CTSZ: variants seen among roughly 807,000 people sequenced by gnomAD.
CTSZ encodes carboxypeptidase LB.
CTSZ carries 39 observed loss-of-function variants against 32.4 expected under a neutral mutation model. The observed-to-expected ratio is 1.20, with a 90% CI of 0.93 to 1.57. The LOEUF is 1.57. Ranked by LOEUF, CTSZ falls within the 40% of genes most tolerant of loss-of-function variation. The probability of loss-of-function intolerance (pLI) is 0.00; values close to 1 mark genes in which losing one functional copy is unlikely to be tolerated. For missense variants in CTSZ, 397 were observed against 419.6 expected (o/e 0.95, Z 0.47); for synonymous variants, 168 against 170.1 (o/e 0.99, Z 0.10).
At position 59,004,912 on chromosome 20, in the gene CTSZ, A is replaced by G. The variant is rs560170266; in HGVS notation, c.307+1410T>C. Among the ~76,000 whole-genome samples, 2 of 152,050 alleles carry G rather than the reference A, an allele frequency of 1.3e-5. No individual in the cohort carries two copies. The highest frequency in any genetic ancestry group is 2.1e-4 in the South Asian group (1 of 4,812). On this transcript the variant is annotated intron_variant, in intron 2 of 5. Transcript: ENST00000217131. The surrounding 1 kb of genome is among the most constrained non-coding windows in gnomAD (Gnocchi z 5.6). ...AGGGTCCCACATCCATCTGAAAGCCATCTCCTTTCTACCCGCAGTCCTTCA... is the reference window on the plus strand; with the variant it reads ...AGGGTCCCACATCCATCTGAAAGCCGTCTCCTTTCTACCCGCAGTCCTTCA...
rs58686623 is a variant in CTSZ, at chr20:59,003,360, G to T, written c.308-1716C>A. 8.2e-3 allele frequency among the ~76,000 whole-genome samples: 1,250 copies of T among 152,272 alleles called. 17 individuals are homozygous for T. Among genetic ancestry groups the T allele is most frequent in the African/African-American group, 0.028 (1,183 of 41,542 alleles). On this transcript the variant is annotated intron_variant, in intron 2 of 5. Coordinates refer to ENST00000217131, the MANE Select transcript of CTSZ (RefSeq NM_001336.4). ...TGAGGTATGCACAAGCTTCTCCCAC[G>T]GCCAAACTCAATCCTTCATCCCACC...
intron 2 of CTSZ, among the ~76,000 whole-genome samples, chr20:59,003,019 C>T (rs979894218): frequency 6.6e-6 from 1 of 152,198 alleles, no homozygotes; most frequent in African/African-American, 2.4e-5. Context: ...CCCTACTGCC[C>T]CGCTCCTCTT....
At position 59,006,381 on chromosome 20, in the gene CTSZ, T is replaced by C. The variant is rs748470022; in HGVS notation, c.248A>G (p.Gln83Arg). ...GVNYASITRN[Q>R]HIPQYCGSCW... ...GGAGCCGCAGTATTGGGGGATGTGC[T>C]GGTTCCGGGTGATGCTGGCATAGTT... Residue 83 changes from glutamine (Q) to arginine (R), a missense_variant, in exon 2 of 6, where the codon CAG becomes CGG. Gln to Arg is a conservative substitution (Grantham distance 43). Transcript: ENST00000217131. The C allele has an allele frequency of 3.1e-6, 5 of 1,613,974 alleles. No homozygotes were observed. In the South Asian group the frequency reaches 4.4e-5, roughly 14 times the overall value.
At chr20:59,003,990 C>G (rs1240991580) in intron 2 of CTSZ, among the ~76,000 whole-genome samples, 1 of 152,172 alleles carries the variant, frequency 6.6e-6, no homozygotes, top group Non-Finnish European at 1.5e-5. Flanking sequence ...TGGCTTAGAC[C>G]TGGAGGAGGC....
rs764445033 is a variant in CTSZ, at chr20:58,995,687, T to C, written c.874A>G (p.Ile292Val). The C allele has an allele frequency of 1.9e-5, 30 of 1,614,060 alleles. No individual in the cohort carries two copies. Among genetic ancestry groups the C allele is most frequent in the Non-Finnish European group, 2.5e-5 (30 of 1,180,024 alleles). ...TCCCCAAATGTACAGTGCTCCTCGA[T>C]GGCAAGGTTGTATCTGGCGCCCTTC... ...DGKGARYNLA[I>V]EEHCTFGDPI... The change falls in exon 6 of 6, where the codon ATC becomes GTC. Residue 292 changes from isoleucine (I) to valine (V), a missense_variant. Ile to Val is a conservative substitution (Grantham distance 29). Coordinates refer to ENST00000217131, the MANE Select transcript of CTSZ (RefSeq NM_001336.4).
chr20:58,999,326 G>A (rs2091877255), intron 3 of CTSZ, among the ~76,000 whole-genome samples: 3 of 152,082 alleles, frequency 2.0e-5, no homozygotes, highest in African/African-American at 4.8e-5. Flanking sequence ...GTGAGCCACC[G>A]CGGTCACCAG....
rs2091899999 is a variant in CTSZ at position 59,004,085 on chromosome 20, G to A, written c.307+2237C>T. Among the ~76,000 whole-genome samples, 1 of 152,214 alleles carries A rather than the reference G, an allele frequency of 6.6e-6. No homozygotes were observed. Among genetic ancestry groups the A allele is most frequent in the Non-Finnish European group, 1.5e-5 (1 of 68,040 alleles). ...TGGATTATATGAGGGACAGAAAACA[G>A]AGGAGTCGGGTACCAGTCCAGGCTT... On this transcript the variant is annotated intron_variant, in intron 2 of 5. Transcript: ENST00000217131. This position sits in a 1 kb window ranked among gnomAD's most constrained non-coding sequence, Gnocchi z 5.6.
In CTSZ at chr20:58,995,832, GC is replaced by G. The variant is rs1379677260; in HGVS notation, c.802-74del. 8.8e-6 allele frequency: 12 copies of G among 1,367,416 alleles called. No homozygotes were observed. In the African/African-American group the frequency reaches 1.6e-4, roughly 18 times the overall value. The allele number at this position is 1,367,416 out of a possible 1,614,324, so 84.7% of individuals were successfully genotyped here. On this transcript the variant is annotated intron_variant, in intron 5 of 5. Coordinates refer to ENST00000217131, the MANE Select transcript of CTSZ (RefSeq NM_001336.4). Reference sequence around the variant, plus strand: ...CTCCCCTTGCTGCCGTCAGCCCCCTGCCCCCTGCTTTCTGCCTCCATCTCTC... The same window carrying G: ...CTCCCCTTGCTGCCGTCAGCCCCCTGCCCCTGCTTTCTGCCTCCATCTCTC...
chr20:58,995,840 C>G, intron 5 of CTSZ, 81 bp from the exon 6 acceptor site: 1 of 1,263,662 alleles, frequency 7.9e-7, no homozygotes, highest in Non-Finnish European at 1.1e-6. Flanking sequence ...CTGCCCCCTG[C>G]TTTCTGCCTC....
intron 3 of CTSZ, 149 bp downstream of exon 3, chr20:59,001,316 T>G: frequency 1.1e-6 from 1 of 886,946 alleles, no homozygotes; most frequent in East Asian, 2.7e-5. Context: ...CCAGCGCCCC[T>G]GGGGGCTGCA....
At position 59,004,567 on chromosome 20, in the gene CTSZ, G is replaced by T. The variant is rs1248353265; in HGVS notation, c.307+1755C>A. 6.6e-6 allele frequency among the ~76,000 whole-genome samples: 1 copy of T among 152,108 alleles called. No homozygotes were observed. The highest frequency in any genetic ancestry group is 1.5e-5 in the Non-Finnish European group (1 of 67,992). On this transcript the variant is annotated intron_variant, in intron 2 of 5. Transcript: ENST00000217131. This position sits in a 1 kb window ranked among gnomAD's most constrained non-coding sequence, Gnocchi z 5.6. Reference sequence around the variant, plus strand: ...CTAGGGAGCCCAGAATTGGGGCGGGGTGGGGCCGGGGGCTTTGTGTTCCTT... The same window carrying T: ...CTAGGGAGCCCAGAATTGGGGCGGGTTGGGGCCGGGGGCTTTGTGTTCCTT...
chr20:59,006,324 G>A lies in CTSZ; in HGVS notation c.305C>T (p.Ala102Val), dbSNP rs369011055. Reference sequence around the variant, plus strand: ...ACAGTCAAAGGGCGGCCACTCACCCGCCATAGCGCTGGTGCTGGCGTGGGC... The same window carrying A: ...ACAGTCAAAGGGCGGCCACTCACCCACCATAGCGCTGGTGCTGGCGTGGGC... ...CWAHASTSAM[A>V]DRINIKRKGA... Residue 102 changes from alanine (A) to valine (V), a missense_variant and splice_region_variant, in exon 2 of 6, where the codon GCG (alanine) becomes GTG (valine). By Grantham distance (64) the Ala-to-Val change is moderately conservative. Coordinates refer to ENST00000217131, the MANE Select transcript of CTSZ (RefSeq NM_001336.4). 3.6e-5 allele frequency: 58 copies of A among 1,605,564 alleles called. No individual in the cohort carries two copies. The Middle Eastern group carries it at 2.3e-3, about 65-fold the overall frequency.
rs71181993 is a variant in CTSZ at position 59,007,230 on chromosome 20, C to CCGGCCT, written c.-103_-102insAGGCCG. ...TCCCGCCCCGGCCTCGGCCTCGGCCCAGCACCCGGCCGACCCCGCACTTTG... is the reference window on the plus strand; with the variant it reads ...TCCCGCCCCGGCCTCGGCCTCGGCCCCGGCCTAGCACCCGGCCGACCCCGCACTTTG... On this transcript the variant is annotated 5_prime_UTR_variant, in exon 1 of 6. Transcript: ENST00000217131. 0.59 allele frequency: 749,282 copies of CCGGCCT among 1,261,396 alleles called. 225,885 individuals carry two copies. The highest frequency in any genetic ancestry group is 0.79 in the East Asian group (23,535 of 29,792). 78.1% of individuals were successfully genotyped at this position (1,261,396 alleles called of 1,614,324 possible). A position where few individuals can be genotyped will look rare whatever the true frequency, so the allele number is the denominator to read the frequency against.
chr20:58,998,471 G>T (rs1196546080), intron 3 of CTSZ, among the ~76,000 whole-genome samples: 1 of 151,546 alleles, frequency 6.6e-6, no homozygotes, highest in Non-Finnish European at 1.5e-5. Context: ...GCTTGAACCC[G>T]GGAGGCAGAG....
At chr20:58,998,671 A>G (rs1216233734) in intron 3 of CTSZ, among the ~76,000 whole-genome samples, 1 of 152,214 alleles carries the variant, frequency 6.6e-6, no homozygotes, top group African/African-American at 2.4e-5. Context: ...CAGCCTGGAC[A>G]ACAGAGCGAG....
rs1478112281 is a variant in CTSZ at position 58,996,904 on chromosome 20, T to C, written c.639-103A>G. The C allele has an allele frequency of 1.9e-5, 26 of 1,338,648 alleles. No individual in the cohort carries two copies. In the South Asian group the frequency reaches 2.5e-4, roughly 13 times the overall value. The allele number at this position is 1,338,648 out of a possible 1,614,324, so 82.9% of individuals were successfully genotyped here. Reference sequence around the variant, plus strand: ...GGGCGCCGTGGCTCACGCCTGTAATTCCAGCACTTTGGGAGGCCGAGGCAG... The same window carrying C: ...GGGCGCCGTGGCTCACGCCTGTAATCCCAGCACTTTGGGAGGCCGAGGCAG... On this transcript the variant is annotated intron_variant, in intron 4 of 5. Coordinates refer to ENST00000217131, the MANE Select transcript of CTSZ (RefSeq NM_001336.4).
At chr20:59,006,854 C>A in intron 1 of CTSZ, 132 bp downstream of exon 1, 1 of 814,720 alleles carries the variant, frequency 1.2e-6, no homozygotes, top group Admixed American at 3.9e-5. Context: ...GGAGCGACCC[C>A]CAAAACGAAG....
rs748164483 is a variant in CTSZ at position 58,995,657 on chromosome 20, TG to T, written c.903del (p.Ile302SerfsTer19). Reference sequence around the variant, plus strand: ...CTTCTAGTGACATGGCCTTAAACGATGGGGTCCCCAAATGTACAGTGCTCCT... The same window carrying T: ...CTTCTAGTGACATGGCCTTAAACGATGGGTCCCCAAATGTACAGTGCTCCT... Reference protein sequence around the residue: ...AIEEHCTFGDPIV With the variant: ...AIEEHCTFGDXIV On this transcript the variant is annotated frameshift_variant, in exon 6 of 6. Transcript: ENST00000217131. LOFTEE classifies it high-confidence loss of function. 5 of 1,614,054 alleles carry T rather than the reference TG, an allele frequency of 3.1e-6. No homozygotes were observed. The Admixed American group carries it at 5.0e-5, about 16-fold the overall frequency.
At position 59,004,120 on chromosome 20, in the gene CTSZ, T is replaced by C. The variant is rs963897989; in HGVS notation, c.307+2202A>G. Among the ~76,000 whole-genome samples the C allele has an allele frequency of 3.3e-5, 5 of 152,154 alleles. No individual in the cohort carries two copies. Among genetic ancestry groups the C allele is most frequent in the African/African-American group, 1.2e-4 (5 of 41,414 alleles). The stretch of plus-strand genomic sequence containing the variant: ...GTACCAGTCCAGGCTTTTGCCTGCA[T>C]AGCCGGAAGGACAGCCAGGGAGGAC... On this transcript the variant is annotated intron_variant, in intron 2 of 5. Transcript: ENST00000217131. This position sits in a 1 kb window ranked among gnomAD's most constrained non-coding sequence, Gnocchi z 5.6.
Sources: allele counts gnomAD v4.1 joint callset (sites outside exome capture counted in the v4.1 genomes callset), GRCh38; gene constraint gnomAD v4.1.1; non-coding constraint Gnocchi (gnomAD v3.1); transcripts MANE v1.5; gene names NCBI Gene and HGNC (gene_info 2026-07-23, HGNC 2026-07-21).